Variants in HTR1F observed in about 807,000 individuals in gnomAD.
HTR1F encodes the protein 5-hydroxytryptamine (serotonin) receptor 1F, G protein-coupled.
Under a neutral mutation model 24.0 loss-of-function variants are expected in HTR1F, and 17 were observed. The observed-to-expected ratio is 0.71, with a 90% CI of 0.48 to 1.06. The LOEUF (loss-of-function observed/expected upper bound fraction) is 1.06. HTR1F is among the 50% of genes least tolerant of loss of function. HTR1F has a pLI of 0.00. For synonymous variants in HTR1F, 186 were observed against 156.8 expected (o/e 1.19, Z -1.39); for missense variants, 391 against 427.8 (o/e 0.91, Z 0.76).
At chr3:87,843,235 T>A (rs1326742881) in intron 2 of HTR1F, among the ~76,000 whole-genome samples, 1 of 152,008 alleles carries the variant, frequency 6.6e-6, no homozygotes, top group Non-Finnish European at 1.5e-5. Context: ...GCTAGTGGTC[T>A]TAATAACATA....
chr3:87,876,695 A>G (rs1251103106), intron 2 of HTR1F, among the ~76,000 whole-genome samples: 2 of 152,190 alleles, frequency 1.3e-5, no homozygotes, highest in Non-Finnish European at 2.9e-5. Flanking sequence ...GGGGTAAGAT[A>G]GGATTTATTG....
intron 1 of HTR1F, among the ~76,000 whole-genome samples, chr3:87,813,031 G>C (rs920722663): frequency 5.3e-5 from 8 of 152,178 alleles, no homozygotes; most frequent in Non-Finnish European, 1.0e-4. Context: ...TCTTTGCTAG[G>C]GCAATGTAGA....
At chr3:87,882,565 G>A (rs1165239786) in intron 2 of HTR1F, among the ~76,000 whole-genome samples, 2 of 152,022 alleles carry the variant, frequency 1.3e-5, no homozygotes, top group Admixed American at 1.3e-4. Flanking sequence ...TAGGGACATG[G>A]ATGAAATTGG....
chr3:87,830,727 AT>A (rs1704557142), intron 2 of HTR1F, among the ~76,000 whole-genome samples: 1 of 152,182 alleles, frequency 6.6e-6, no homozygotes, highest in Non-Finnish European at 1.5e-5. Context: ...TAGAAAAAAA[AT>A]GTGTAGAATT....
intron 2 of HTR1F, among the ~76,000 whole-genome samples, chr3:87,880,440 G>A (rs1168180492): frequency 6.6e-6 from 1 of 151,922 alleles, no homozygotes; most frequent in Admixed American, 6.6e-5. Flanking sequence ...ATTGAATAAA[G>A]GAAAACTTAC....
At chr3:87,796,644 T>C (rs1284478122) in intron 1 of HTR1F, among the ~76,000 whole-genome samples, 1 of 152,140 alleles carries the variant, frequency 6.6e-6, no homozygotes, top group African/African-American at 2.4e-5. Context: ...TGTGATATTA[T>C]GGAAGCCAAA....
chr3:87,847,860 G>A (rs1002097639), intron 2 of HTR1F, among the ~76,000 whole-genome samples: 13 of 151,774 alleles, frequency 8.6e-5, no homozygotes, highest in Non-Finnish European at 1.6e-4. Flanking sequence ...TCATATTGCT[G>A]CACATGACAT....
At chr3:87,924,558 G>A (rs889067181) in intron 2 of HTR1F, among the ~76,000 whole-genome samples, 19 of 152,068 alleles carry the variant, frequency 1.2e-4, no homozygotes, top group African/African-American at 4.3e-4. Flanking sequence ...TGTAAGGCTG[G>A]CCTAGTGGTG....
At chr3:87,922,611 G>T (rs1328279401) in intron 2 of HTR1F, among the ~76,000 whole-genome samples, 1 of 151,860 alleles carries the variant, frequency 6.6e-6, no homozygotes, top group Non-Finnish European at 1.5e-5. Flanking sequence ...CCAATGTCCT[G>T]CAGCATTTAC....
At chr3:87,859,319 A>C (rs1246561731) in intron 2 of HTR1F, among the ~76,000 whole-genome samples, 1 of 152,240 alleles carries the variant, frequency 6.6e-6, no homozygotes, top group Non-Finnish European at 1.5e-5. Flanking sequence ...AAAATACTTC[A>C]TACTACTAAA....
chr3:87,895,587 T>A (rs1706180612), intron 2 of HTR1F, among the ~76,000 whole-genome samples: 1 of 152,180 alleles, frequency 6.6e-6, no homozygotes, highest in Non-Finnish European at 1.5e-5. Context: ...AAATACATCT[T>A]CGGATTTTAC....
chr3:87,937,971 A>G (rs972665477), intron 2 of HTR1F, among the ~76,000 whole-genome samples: 1 of 151,938 alleles, frequency 6.6e-6, no homozygotes, highest in African/African-American at 2.4e-5. Flanking sequence ...AATAGAAGGC[A>G]TCAAATAGGA....
intron 2 of HTR1F, among the ~76,000 whole-genome samples, chr3:87,832,789 T>TACTA (rs1704610042): frequency 6.6e-6 from 1 of 152,228 alleles, no homozygotes; most frequent in African/African-American, 2.4e-5. Context: ...GATTACATAT[T>TACTA]ACTAACAAAA....
chr3:87,793,455 G>A (rs369520747), intron 1 of HTR1F: 2 of 152,114 alleles, frequency 1.3e-5, no homozygotes, highest in South Asian at 4.1e-4. Flanking sequence ...TCTACCTCGC[G>A]GCTGCAGCTT....
intron 2 of HTR1F, among the ~76,000 whole-genome samples, chr3:87,905,445 A>G (rs1483060465): frequency 1.3e-5 from 2 of 151,882 alleles, no homozygotes; most frequent in African/African-American, 4.8e-5. Context: ...CTGCCCCTTA[A>G]TTTTTAAAAT....
At chr3:87,811,025 A>G (rs1218542309) in intron 1 of HTR1F, among the ~76,000 whole-genome samples, 2 of 152,238 alleles carry the variant, frequency 1.3e-5, no homozygotes, top group South Asian at 2.1e-4. Context: ...CCAATAGGCC[A>G]TATAGTAAGT....
chr3:87,988,348 CACAATAG>C (rs1479946443), intron 2 of HTR1F, among the ~76,000 whole-genome samples: 1 of 151,194 alleles, frequency 6.6e-6, no homozygotes, highest in African/African-American at 2.4e-5. Context: ...TTCTCAAATA[CACAATAG>C]ACAATCACTC....
At chr3:87,926,440 CTAA>C (rs1292385080) in intron 2 of HTR1F, among the ~76,000 whole-genome samples, 3 of 152,118 alleles carry the variant, frequency 2.0e-5, no homozygotes, top group Admixed American at 2.0e-4. Flanking sequence ...TATCAGAACA[CTAA>C]TAATAGTCTA....
At chr3:87,926,560 A>G (rs548661781) in intron 2 of HTR1F, among the ~76,000 whole-genome samples, 1 of 152,274 alleles carries the variant, frequency 6.6e-6, no homozygotes, top group South Asian at 2.1e-4. Flanking sequence ...ATACCTAGTA[A>G]ATTTCAAAGA....
Sources: allele counts gnomAD v4.1 joint callset (sites outside exome capture counted in the v4.1 genomes callset), GRCh38; gene constraint gnomAD v4.1.1; transcripts MANE v1.5; gene names NCBI Gene and HGNC (gene_info 2026-07-23, HGNC 2026-07-21).